The following PEAK1 variants were observed in gnomAD, a reference collection of about 807,000 sequenced individuals.
PEAK1 encodes inactive tyrosine-protein kinase PEAK1.
A neutral mutation model predicts 124.7 loss-of-function variants in PEAK1; 54 were observed. That is an observed-to-expected ratio of 0.43 (90% CI 0.35 to 0.54). PEAK1 has a LOEUF of 0.54. Ranked by LOEUF, PEAK1 falls within the 20% of genes least tolerant of loss-of-function variation. PEAK1 has a pLI of 0.01. For missense variants in PEAK1, 2,046 were observed against 2,134.5 expected (o/e 0.96, Z 0.82); for synonymous variants, 719 against 760.0 (o/e 0.95, Z 0.89).
At chr15:77,356,702 T>G (rs1259509476) in intron 2 of PEAK1, among the ~76,000 whole-genome samples, 1 of 152,194 alleles carries the variant, frequency 6.6e-6, no homozygotes, top group Non-Finnish European at 1.5e-5. Flanking sequence ...ATAACCCAGT[T>G]TTTATACATA....
intron 1 of PEAK1, among the ~76,000 whole-genome samples, chr15:77,383,521 C>T (rs1219981911): frequency 6.6e-6 from 1 of 152,088 alleles, no homozygotes; most frequent in African/African-American, 2.4e-5. Context: ...AAAATCTTCC[C>T]ACTAGGGATT....
At chr15:77,304,447 T>A (rs1392471813) in intron 2 of PEAK1, among the ~76,000 whole-genome samples, 1 of 130,884 alleles carries the variant, frequency 7.6e-6, no homozygotes, top group African/African-American at 3.6e-5. Context: ...TATACATTTT[T>A]TTTTTTTTTT....
chr15:77,294,597 A>G (rs1044683398), intron 2 of PEAK1, among the ~76,000 whole-genome samples: 1 of 152,204 alleles, frequency 6.6e-6, no homozygotes, highest in African/African-American at 2.4e-5. Flanking sequence ...TGCACATTGA[A>G]ATGTGTAAAA....
chr15:77,239,852 T>C (rs2060278387), intron 6 of PEAK1: 18 of 985,038 alleles, frequency 1.8e-5, no homozygotes, highest in Non-Finnish European at 2.2e-5. Flanking sequence ...ATCACACAAC[T>C]GCTCAATTCC....
At chr15:77,399,483 T>C (rs1177287139) in intron 1 of PEAK1, among the ~76,000 whole-genome samples, 2 of 152,036 alleles carry the variant, frequency 1.3e-5, no homozygotes, top group Admixed American at 1.3e-4. Flanking sequence ...CACAGACCAA[T>C]GGAACAAAAT....
chr15:77,178,566 T>C (rs961075436), intron 7 of PEAK1: 13 of 538,022 alleles, frequency 2.4e-5, no homozygotes, highest in Admixed American at 1.3e-4. Flanking sequence ...CAGAATGCAG[T>C]AGGCTACTTA....
intron 6 of PEAK1, among the ~76,000 whole-genome samples, chr15:77,226,997 T>G (rs753284998): frequency 5.3e-5 from 8 of 152,192 alleles, no homozygotes; most frequent in Admixed American, 1.3e-4. Context: ...ATATGGCAGT[T>G]GTCCTCAACC....
chr15:77,231,824 C>T (rs1216274904), intron 6 of PEAK1, among the ~76,000 whole-genome samples: 2 of 152,104 alleles, frequency 1.3e-5, no homozygotes, highest in Non-Finnish European at 2.9e-5. Flanking sequence ...CTCATTTCCT[C>T]CAAGCAGTAG....
intron 2 of PEAK1, chr15:77,336,008 T>C: frequency 2.0e-6 from 2 of 985,372 alleles, no homozygotes; most frequent in Non-Finnish European, 2.4e-6. Flanking sequence ...TCAGAGTTAA[T>C]AGACCCAGGT....
chr15:77,337,359 A>T, intron 2 of PEAK1: 1 of 953,762 alleles, frequency 1.0e-6, no homozygotes, highest in Non-Finnish European at 1.2e-6. Flanking sequence ...GTGAATATTT[A>T]TTTTAAAAAT....
chr15:77,241,504 C>T (rs1935916247), intron 6 of PEAK1, among the ~76,000 whole-genome samples: 1 of 151,786 alleles, frequency 6.6e-6, no homozygotes, highest in South Asian at 2.1e-4. Flanking sequence ...AAGTAAAAGG[C>T]ATATATATTG....
rs184943565 is a variant in PEAK1 at position 77,287,465 on chromosome 15, G to T, written c.-602-961C>A. On this transcript the variant is annotated intron_variant, in intron 2 of 9. Coordinates refer to ENST00000682557, the MANE Select transcript of PEAK1 (RefSeq NM_001385026.1). ...CATTATATAATATCCTACTATTCAA[G>T]AATGCTTAAATTGTGATTCAAAAAG... Among the ~76,000 whole-genome samples, 580 of 152,268 alleles carry T rather than the reference G, an allele frequency of 3.8e-3. 5 individuals are homozygous for T. Among genetic ancestry groups the T allele is most frequent in the South Asian group, 0.017 (83 of 4,830 alleles).
intron 5 of PEAK1, among the ~76,000 whole-genome samples, chr15:77,276,412 C>A (rs540745346): frequency 3.9e-5 from 6 of 152,100 alleles, no homozygotes; most frequent in East Asian, 1.9e-4. Flanking sequence ...TTAAAAACCA[C>A]GGAAGCCAGA....
At chr15:77,241,545 C>T (rs192402671) in intron 6 of PEAK1, among the ~76,000 whole-genome samples, 7 of 152,022 alleles carry the variant, frequency 4.6e-5, no homozygotes, top group Non-Finnish European at 7.4e-5. Context: ...TACCTATTTG[C>T]ATATGACATG....
intron 5 of PEAK1, among the ~76,000 whole-genome samples, chr15:77,280,000 T>C (rs1256290061): frequency 6.6e-6 from 1 of 152,138 alleles, no homozygotes; most frequent in Non-Finnish European, 1.5e-5. Flanking sequence ...TTTGTAGTGG[T>C]AGTTGTATGG....
intron 1 of PEAK1, among the ~76,000 whole-genome samples, chr15:77,384,376 C>A (rs956791234): frequency 6.6e-6 from 1 of 152,084 alleles, no homozygotes; most frequent in African/African-American, 2.4e-5. Flanking sequence ...AGAAACAACC[C>A]AAAATGTGAT....
At chr15:77,213,453 A>G (rs879585787) in intron 6 of PEAK1, among the ~76,000 whole-genome samples, 28 of 152,252 alleles carry the variant, frequency 1.8e-4, no homozygotes, top group Admixed American at 9.2e-4. Context: ...GCACTTTAGG[A>G]GGCCGAGGTG....
chr15:77,264,835 C>T (rs1389395343), intron 5 of PEAK1, among the ~76,000 whole-genome samples: 3 of 151,830 alleles, frequency 2.0e-5, no homozygotes, highest in East Asian at 1.9e-4. Flanking sequence ...GGAGGCATCA[C>T]ACTACCTGAC....
At chr15:77,348,384 T>C (rs1205877527) in intron 2 of PEAK1, 22 of 899,656 alleles carry the variant, frequency 2.4e-5, no homozygotes, top group Non-Finnish European at 2.7e-5. Flanking sequence ...TCTTATTATT[T>C]GGTAATTACA....
Sources: allele counts gnomAD v4.1 joint callset (sites outside exome capture counted in the v4.1 genomes callset), GRCh38; gene constraint gnomAD v4.1.1; transcripts MANE v1.5; gene names NCBI Gene and HGNC (gene_info 2026-07-23, HGNC 2026-07-21).